Variants in CSMD1 observed in about 807,000 individuals in gnomAD.
CSMD1 encodes CUB and sushi domain-containing protein 1.
In CSMD1, 213 loss-of-function variants were observed where a neutral mutation model predicts 417.5. The ratio of observed to expected loss-of-function variants is 0.51; its 90% CI spans 0.46 to 0.57. CSMD1 has a LOEUF of 0.57. Ranked by LOEUF, CSMD1 falls within the 20% of genes least tolerant of loss-of-function variation. CSMD1 has a pLI of 0.00. For synonymous variants in CSMD1, 2,862 were observed against 1,736.8 expected (o/e 1.65, Z -16.11); for missense variants, 6,923 against 4,529.7 (o/e 1.53, Z -15.17).
At chr8:4,322,248 C>G (rs1450373134) in intron 3 of CSMD1, among the ~76,000 whole-genome samples, 2 of 152,248 alleles carry the variant, frequency 1.3e-5, no homozygotes. Context: ...TGAAAACATA[C>G]TGTATTTAAA....
chr8:4,766,322 C>T lies in CSMD1; in HGVS notation c.86-128764G>A, dbSNP rs368123320. 2.6e-5 allele frequency among the ~76,000 whole-genome samples: 4 copies of T among 152,132 alleles called. No individual in the cohort carries two copies. In the East Asian group the frequency reaches 5.8e-4, roughly 22 times the overall value. On this transcript the variant is annotated intron_variant, in intron 1 of 69. Coordinates refer to ENST00000635120, the MANE Select transcript of CSMD1 (RefSeq NM_033225.6). ...TCATTCGGTGAGCCAACTATGTATG[C>T]ATGATGTGGGGGCCTGGTGTAAGGT... is the stretch of plus-strand genomic sequence containing the variant.
chr8:3,124,353 TA>T (rs1241664498), intron 41 of CSMD1, among the ~76,000 whole-genome samples: 1 of 152,162 alleles, frequency 6.6e-6, no homozygotes, highest in African/African-American at 2.4e-5. Context: ...AAATTATTAT[TA>T]AAAAATAAAA....
At chr8:3,904,433 T>C (rs894308594) in intron 5 of CSMD1, among the ~76,000 whole-genome samples, 2 of 152,164 alleles carry the variant, frequency 1.3e-5, no homozygotes, top group Non-Finnish European at 2.9e-5. Flanking sequence ...AACTTGAGTG[T>C]GTCTAGGAAT....
chr8:3,762,660 T>G (rs2129056422), intron 5 of CSMD1, among the ~76,000 whole-genome samples: 1 of 152,306 alleles, frequency 6.6e-6, no homozygotes, highest in South Asian at 2.1e-4. Context: ...GCTGACGCCG[T>G]ACAGGCACAC....
chr8:2,982,064 A>G (rs1805467349), intron 54 of CSMD1, among the ~76,000 whole-genome samples: 1 of 152,132 alleles, frequency 6.6e-6, no homozygotes, highest in Admixed American at 6.5e-5. Context: ...ACATACGAAT[A>G]TGGGTAACAG....
At position 3,153,780 on chromosome 8, in the gene CSMD1, G is replaced by T. The variant is rs572059761; in HGVS notation, c.5915-2267C>A. 1.1e-4 allele frequency among the ~76,000 whole-genome samples: 16 copies of T among 152,290 alleles called. No individual in the cohort carries two copies. In the East Asian group the frequency reaches 1.7e-3, roughly 17 times the overall value. On this transcript the variant is annotated intron_variant, in intron 39 of 69. Transcript: ENST00000635120. ...CACAGACCAACTCTCTGTGTGATGG[G>T]AAACTGATCATGGGCCTGACCACTG...
chr8:4,405,037 G>A lies in CSMD1; in HGVS notation c.415+14916C>T, dbSNP rs1010961174. Among the ~76,000 whole-genome samples the A allele has an allele frequency of 2.0e-5, 3 of 152,364 alleles. No homozygotes were observed. In the East Asian group the frequency reaches 5.8e-4, roughly 29 times the overall value. The stretch of plus-strand genomic sequence containing the variant: ...ATAAAACTGAGGTTTAAACTAGCAT[G>A]TCGTGACTATGCTGGACACTTTCTC... On this transcript the variant is annotated intron_variant, in intron 3 of 69. Transcript: ENST00000635120.
chr8:4,551,411 A>G (rs1797863650), intron 2 of CSMD1, among the ~76,000 whole-genome samples: 1 of 152,124 alleles, frequency 6.6e-6, no homozygotes. Flanking sequence ...CATGCGGACT[A>G]CTGTCCTTTC....
At chr8:4,691,226 A>T (rs1806749462) in intron 1 of CSMD1, among the ~76,000 whole-genome samples, 1 of 152,204 alleles carries the variant, frequency 6.6e-6, no homozygotes, top group South Asian at 2.1e-4. Flanking sequence ...TGGGCTGGTG[A>T]GCAGAAATTA....
rs1819646708 is a variant in CSMD1, at chr8:3,158,084, T to C, written c.5845-118A>G. On this transcript the variant is annotated intron_variant, in intron 38 of 69. Transcript: ENST00000635120. ...TGTTTTAATTATAAATATTTGAAAA[T>C]TCAAAAATTGTGAAATCTGTTTTTA... 6 of 853,726 alleles carry C rather than the reference T, an allele frequency of 7.0e-6. No homozygotes were observed. In the East Asian group the frequency reaches 8.4e-5, roughly 12 times the overall value. The allele number at this position is 853,726 out of a possible 1,614,324, so 52.9% of individuals were successfully genotyped here. A position where few individuals can be genotyped will look rare whatever the true frequency, so the allele number is the denominator to read the frequency against.
At chr8:4,293,367 T>C (rs1173910958) in intron 3 of CSMD1, among the ~76,000 whole-genome samples, 1 of 152,208 alleles carries the variant, frequency 6.6e-6, no homozygotes, top group Non-Finnish European at 1.5e-5. Context: ...GTAAGTCCAA[T>C]CTAAATTTAT....
chr8:4,644,561 C>G (rs1803399036), intron 1 of CSMD1, among the ~76,000 whole-genome samples: 1 of 152,156 alleles, frequency 6.6e-6, no homozygotes, highest in African/African-American at 2.4e-5. Flanking sequence ...CACGCGCCAC[C>G]ACACCTGACT....
chr8:3,918,090 A>C (rs1316508092), intron 5 of CSMD1, among the ~76,000 whole-genome samples: 2 of 151,906 alleles, frequency 1.3e-5, no homozygotes, highest in East Asian at 3.9e-4. Flanking sequence ...TCCTCCACTC[A>C]TTGATCAAAG....
intron 3 of CSMD1, among the ~76,000 whole-genome samples, chr8:4,127,682 T>G (rs1802848051): frequency 1.3e-5 from 2 of 152,132 alleles, no homozygotes; most frequent in Admixed American, 6.5e-5. Context: ...AGGAAGATAT[T>G]AAATAATAGG....
chr8:4,724,552 G>C (rs1468148948), intron 1 of CSMD1, among the ~76,000 whole-genome samples: 2 of 151,104 alleles, frequency 1.3e-5, no homozygotes, highest in Non-Finnish European at 2.9e-5. Context: ...GTGTGTGTGT[G>C]TGTGTGTGTG....
At chr8:4,875,499 C>A (rs1802990609) in intron 1 of CSMD1, among the ~76,000 whole-genome samples, 2 of 152,126 alleles carry the variant, frequency 1.3e-5, no homozygotes, top group Middle Eastern at 3.4e-3. Flanking sequence ...TTGAGCAACT[C>A]CATGAGATGA....
At chr8:3,674,036 G>A (rs114715658) in intron 7 of CSMD1, among the ~76,000 whole-genome samples, 1 of 152,042 alleles carries the variant, frequency 6.6e-6, no homozygotes, top group Non-Finnish European at 1.5e-5. Flanking sequence ...AGCCTGGGAG[G>A]CAGAGGTTGC....
chr8:4,780,726 T>A (rs1797113548), intron 1 of CSMD1, among the ~76,000 whole-genome samples: 1 of 152,098 alleles, frequency 6.6e-6, no homozygotes, highest in Admixed American at 6.6e-5. Flanking sequence ...CCCTTCCCAC[T>A]CTTCTCTACC....
At chr8:3,866,604 C>G (rs1486044028) in intron 5 of CSMD1, among the ~76,000 whole-genome samples, 1 of 152,136 alleles carries the variant, frequency 6.6e-6, no homozygotes, top group Non-Finnish European at 1.5e-5. Flanking sequence ...ATAGTCTCTT[C>G]TTTCCATCCC....
Sources: gnomAD v4.1 joint callset for allele counts (sites outside exome capture counted in the v4.1 genomes callset) on GRCh38, gnomAD v4.1.1 for gene constraint, MANE v1.5 for transcripts, NCBI Gene and HGNC (gene_info 2026-07-23, HGNC 2026-07-21) for gene names.